Variants in SNAP91 observed in about 807,000 individuals in gnomAD.
SNAP91 encodes the protein clathrin coat assembly protein AP180.
SNAP91 carries 27 observed loss-of-function variants against 100.3 expected under a neutral mutation model. The ratio of observed to expected loss-of-function variants is 0.27; its 90% CI spans 0.20 to 0.37. The LOEUF (loss-of-function observed/expected upper bound fraction) is 0.37. Ranked by LOEUF, SNAP91 falls within the 10% of genes least tolerant of loss-of-function variation. The pLI, the probability that SNAP91 is intolerant of heterozygous loss-of-function variation, is 1.00. For missense variants in SNAP91, 986 were observed against 1,123.7 expected (o/e 0.88, Z 1.75); for synonymous variants, 404 against 398.6 (o/e 1.01, Z -0.16).
chr6:83,707,907 C>G lies in SNAP91; in HGVS notation c.21G>C (p.Thr7=). ...TGTACTGAGCGGCGGCGATCCGATC[C>G]GTGAGCGTTTGGCCCGACATCTTCT... The part of the protein sequence containing the change: MSGQTL[T]DRIAAAQYSV... The change falls in exon 2 of 30, where the codon ACG becomes ACC. Residue 7 remains threonine, a synonymous_variant. Transcript: ENST00000369694. 1 of 1,590,770 alleles carries G rather than the reference C, an allele frequency of 6.3e-7. No homozygotes were observed. The highest frequency in any genetic ancestry group is 8.5e-7 in the Non-Finnish European group (1 of 1,172,294).
intron 26 of SNAP91, among the ~76,000 whole-genome samples, chr6:83,567,110 T>C (rs578146045): frequency 6.6e-6 from 1 of 152,262 alleles, no homozygotes; most frequent in South Asian, 2.1e-4. Flanking sequence ...AGCTAACTTT[T>C]TAATTTTTCT....
chr6:83,585,853 C>CTTTT (rs1045371745), intron 22 of SNAP91, among the ~76,000 whole-genome samples: 1 of 137,182 alleles, frequency 7.3e-6, no homozygotes, highest in African/African-American at 2.7e-5. Flanking sequence ...TTTTTTCTTT[C>CTTTT]TTTTTTTTTT....
At chr6:83,583,288 A>C (rs957571974) in intron 22 of SNAP91, among the ~76,000 whole-genome samples, 10 of 151,688 alleles carry the variant, frequency 6.6e-5, no homozygotes, top group Non-Finnish European at 1.5e-4. Flanking sequence ...CACTGCCCCG[A>C]CTCCAACCCC....
chr6:83,665,654 A>G (rs1261857321), intron 2 of SNAP91, 73 bp from the exon 3 acceptor site: 12 of 1,402,330 alleles, frequency 8.6e-6, no homozygotes, highest in African/African-American at 2.9e-5. Context: ...CTTGGAACAT[A>G]TAAGCCTGTT....
At chr6:83,577,082 G>T (rs1355247615) in intron 24 of SNAP91, among the ~76,000 whole-genome samples, 2 of 152,110 alleles carry the variant, frequency 1.3e-5, no homozygotes, top group African/African-American at 4.8e-5. Context: ...GGGTTGAAGG[G>T]GTAGGATAAA....
At position 83,593,514 on chromosome 6, in the gene SNAP91, C is replaced by T. The variant is rs571123365; in HGVS notation, c.1660G>A (p.Ala554Thr). The T allele has an allele frequency of 1.1e-5, 17 of 1,552,210 alleles. No individual in the cohort carries two copies. Among genetic ancestry groups the T allele is most frequent in the East Asian group, 9.8e-5 (4 of 40,946 alleles). The stretch of plus-strand genomic sequence containing the variant: ...TCTAGAGCAGGAGGAGCAGTGGTGG[C>T]GGTGGCAGCGGAGGTGGTGGTAGTG... ...TTTTTTSAAT[A>T]TTAPPALDIF... Residue 554 changes from alanine to threonine, a missense_variant, in exon 18 of 30, where the codon GCC becomes ACC. By Grantham distance (58) the Ala-to-Thr change is moderately conservative. Around this residue, in one of 4 missense-constraint regions of SNAP91, gnomAD observed 575 missense variants for 579.9 expected, o/e 0.99. Transcript: ENST00000369694.
intron 8 of SNAP91, among the ~76,000 whole-genome samples, chr6:83,638,985 T>TA (rs1276519133): frequency 6.6e-6 from 1 of 152,226 alleles, no homozygotes; most frequent in Non-Finnish European, 1.5e-5. Context: ...ATAGGAGACT[T>TA]CAGATAAGAA....
chr6:83,697,324 GCACACA>G (rs57251608), intron 2 of SNAP91, among the ~76,000 whole-genome samples: 8,532 of 138,088 alleles, frequency 0.062, 242 homozygotes, highest in Middle Eastern at 0.083. Context: ...GAAAATAGCT[GCACACA>G]CACACACACA....
chr6:83,592,636 C>T, intron 20 of SNAP91, 98 bp from the exon 21 acceptor site: 1 of 969,382 alleles, frequency 1.0e-6, no homozygotes, highest in East Asian at 2.6e-5. Flanking sequence ...ATGGTTCACT[C>T]CAGGCAGAAA....
At chr6:83,555,713 T>C (rs1776801190) in intron 29 of SNAP91, among the ~76,000 whole-genome samples, 1 of 152,200 alleles carries the variant, frequency 6.6e-6, no homozygotes, top group Non-Finnish European at 1.5e-5. Flanking sequence ...GGTAATAATC[T>C]AAGCTTTATG....
At chr6:83,666,835 C>A (rs2098695488) in intron 2 of SNAP91, among the ~76,000 whole-genome samples, 1 of 151,994 alleles carries the variant, frequency 6.6e-6, no homozygotes, top group African/African-American at 2.4e-5. Flanking sequence ...TCTTTCCTGG[C>A]CCCTTTCAAA....
intron 14 of SNAP91, among the ~76,000 whole-genome samples, chr6:83,603,337 T>G (rs964965518): frequency 1.3e-5 from 2 of 152,160 alleles, no homozygotes; most frequent in South Asian, 2.1e-4. Flanking sequence ...TGTTTAGCCA[T>G]GTGAACAAGC....
intron 2 of SNAP91, among the ~76,000 whole-genome samples, chr6:83,672,274 A>C (rs1295373459): frequency 1.3e-5 from 2 of 152,126 alleles, no homozygotes; most frequent in African/African-American, 4.8e-5. Flanking sequence ...ATTACCTTCA[A>C]ATAGAAGAGA....
In SNAP91 at chr6:83,607,956, G is replaced by A. The variant is rs556901317; in HGVS notation, c.913-148C>T. 3 of 429,944 alleles carry A rather than the reference G, an allele frequency of 7.0e-6. No individual in the cohort carries two copies. The South Asian group carries it at 2.3e-4, about 34-fold the overall frequency. The allele number at this position is 429,944 out of a possible 1,614,324, so 26.6% of individuals were successfully genotyped here. A position where few individuals can be genotyped will look rare whatever the true frequency, so the allele number is the denominator to read the frequency against. On this transcript the variant is annotated intron_variant, in intron 12 of 29. Coordinates refer to ENST00000369694, the MANE Select transcript of SNAP91 (RefSeq NM_001242792.2). ...AGGAAAAAAAAACTCAATAAAATTT[G>A]AAATCAAGGATTGTAATAAATAATC...
chr6:83,569,793 C>T (rs1390910506), intron 26 of SNAP91, among the ~76,000 whole-genome samples: 5 of 152,094 alleles, frequency 3.3e-5, no homozygotes, highest in East Asian at 3.9e-4. Flanking sequence ...GGGGGAGTTT[C>T]CCCAAACAAG....
At chr6:83,577,569 T>C (rs1198855213) in intron 24 of SNAP91, among the ~76,000 whole-genome samples, 1 of 152,158 alleles carries the variant, frequency 6.6e-6, no homozygotes, top group African/African-American at 2.4e-5. Flanking sequence ...CCTGGGCCTC[T>C]GTTGCAAGCT....
intron 8 of SNAP91, among the ~76,000 whole-genome samples, chr6:83,640,208 A>C (rs923094840): frequency 4.6e-5 from 7 of 152,208 alleles, no homozygotes; most frequent in African/African-American, 1.7e-4. Context: ...TATGAATAAA[A>C]GATTTTAAAC....
intron 5 of SNAP91, among the ~76,000 whole-genome samples, chr6:83,660,341 T>C (rs2098515539): frequency 6.6e-6 from 1 of 152,182 alleles, no homozygotes; most frequent in African/African-American, 2.4e-5. Context: ...TACAATAAAT[T>C]ATTTTGAATA....
intron 14 of SNAP91, 147 bp downstream of exon 14, chr6:83,605,538 T>A: frequency 9.6e-7 from 1 of 1,036,536 alleles, no homozygotes; most frequent in Non-Finnish European, 1.4e-6. Flanking sequence ...TATATTTCAA[T>A]CAATAAATGC....
Sources: allele counts gnomAD v4.1 joint callset (sites outside exome capture counted in the v4.1 genomes callset), GRCh38; gene constraint gnomAD v4.1.1; regional missense constraint gnomAD v4.1.1; transcripts MANE v1.5; gene names NCBI Gene and HGNC (gene_info 2026-07-23, HGNC 2026-07-21).